Variants in MYOF observed in about 807,000 individuals in gnomAD.
MYOF encodes the protein fer-1-like 3, myoferlin.
In MYOF, 244 loss-of-function variants were observed where a neutral mutation model predicts 284.2. That is an observed-to-expected ratio of 0.86 (90% confidence interval 0.77 to 0.95). The LOEUF (loss-of-function observed/expected upper bound fraction) is 0.95. MYOF is among the 40% of genes least tolerant of loss of function. The probability of loss-of-function intolerance (pLI) is 0.00; values close to 1 mark genes in which losing one functional copy is unlikely to be tolerated. For missense variants in MYOF, 2,496 were observed against 2,560.6 expected (o/e 0.97, Z 0.54); for synonymous variants, 904 against 919.7 (o/e 0.98, Z 0.31).
rs188069765 is a variant in MYOF at position 93,307,686 on chromosome 10, G to A, written c.6148-685C>T. Among the ~76,000 whole-genome samples, 431 of 150,100 alleles carry A rather than the reference G, an allele frequency of 2.9e-3. 3 individuals carry two copies. Among genetic ancestry groups the A allele is most frequent in the African/African-American group, 0.01 (409 of 40,788 alleles). ...GTCACCCAGGGTGGAGTGCAGTGGC[G>A]TGATCTCCAGTCACTGCAACCTTTG... is the stretch of plus-strand genomic sequence containing the variant. On this transcript the variant is annotated intron_variant, in intron 53 of 53. Coordinates refer to ENST00000359263, the MANE Select transcript of MYOF (RefSeq NM_013451.4).
At chr10:93,408,380 A>G (rs1847721720) in intron 7 of MYOF, among the ~76,000 whole-genome samples, 3 of 152,050 alleles carry the variant, frequency 2.0e-5, no homozygotes, top group Admixed American at 2.0e-4. Flanking sequence ...TCTACTGAAA[A>G]TATAAAATTA....
intron 43 of MYOF, among the ~76,000 whole-genome samples, chr10:93,330,235 G>A (rs566017690): frequency 4.0e-5 from 6 of 151,870 alleles, no homozygotes; most frequent in Middle Eastern, 3.4e-3. Context: ...TGAGTGCATC[G>A]CTCCAATGCC....
intron 5 of MYOF, 191 bp downstream of exon 5, chr10:93,425,880 C>G: frequency 1.6e-6 from 1 of 608,888 alleles, no homozygotes; most frequent in East Asian, 2.8e-5. Flanking sequence ...TCCCCTCTAC[C>G]TTGAAGGGCA....
Position 93,379,862 on chromosome 10 carries a change from C to T in MYOF, c.2001+1G>A. ...GGAAATGCAGAAAAAGAGAAACTTACCAGCCGTTCTGCCATAGCTAGGAGA... is the reference window on the plus strand; with the variant it reads ...GGAAATGCAGAAAAAGAGAAACTTATCAGCCGTTCTGCCATAGCTAGGAGA... On this transcript the variant is annotated splice_donor_variant, in intron 21 of 53. Coordinates refer to ENST00000359263, the MANE Select transcript of MYOF (RefSeq NM_013451.4). LOFTEE classifies it high-confidence loss of function. 1 of 1,613,440 alleles carries T rather than the reference C, an allele frequency of 6.2e-7. No individual in the cohort carries two copies. Among genetic ancestry groups the T allele is most frequent in the Non-Finnish European group, 8.5e-7 (1 of 1,179,494 alleles).
chr10:93,328,622 G>T, intron 45 of MYOF, 141 bp downstream of exon 45: 1 of 773,524 alleles, frequency 1.3e-6, no homozygotes, highest in Non-Finnish European at 2.0e-6. Context: ...GAACTCTGAC[G>T]TGGCTGTTGT....
chr10:93,454,866 C>A (rs555695063), intron 2 of MYOF, among the ~76,000 whole-genome samples: 1 of 151,828 alleles, frequency 6.6e-6, no homozygotes, highest in East Asian at 1.9e-4. Context: ...GTAGTCCCAG[C>A]TATTCAGGAG....
chr10:93,474,217 A>G (rs1469216914), intron 1 of MYOF, among the ~76,000 whole-genome samples: 1 of 152,140 alleles, frequency 6.6e-6, no homozygotes, highest in Non-Finnish European at 1.5e-5. Flanking sequence ...TGACTCAACT[A>G]GTAAGCCTTC....
chr10:93,359,457 T>C (rs1203083188), intron 29 of MYOF, among the ~76,000 whole-genome samples: 1 of 152,238 alleles, frequency 6.6e-6, no homozygotes, highest in Non-Finnish European at 1.5e-5. Flanking sequence ...GGTTTGAATC[T>C]TTACACATCT....
intron 26 of MYOF, 116 bp from the exon 27 acceptor site, chr10:93,364,191 C>A: frequency 1.3e-6 from 1 of 762,326 alleles, no homozygotes; most frequent in Non-Finnish European, 2.2e-6. Flanking sequence ...TCCCTCCTCG[C>A]TTTACCCCTG....
At chr10:93,355,607 C>CA in intron 31 of MYOF, 21 bp downstream of exon 31, 1 of 1,322,398 alleles carries the variant, frequency 7.6e-7, no homozygotes, top group Non-Finnish European at 1.1e-6. Flanking sequence ...TAAAATAAAT[C>CA]AAAAATAAAA....
Position 93,482,196 on chromosome 10 carries a change from G to A in MYOF, c.-2C>T, listed in dbSNP as rs777655886. On this transcript the variant is annotated 5_prime_UTR_variant, in exon 1 of 54. Transcript: ENST00000359263. ...AGATTCCACAATCACTCGCAGCATG[G>A]TTCTTAGCTGGTAGAAAGCAAGTTT... 6.2e-7 allele frequency: 1 copy of A among 1,610,316 alleles called. No individual in the cohort carries two copies. The highest frequency in any genetic ancestry group is 1.7e-5 in the Admixed American group (1 of 59,082).
intron 2 of MYOF, among the ~76,000 whole-genome samples, chr10:93,454,472 C>A (rs1309251040): frequency 6.6e-6 from 1 of 152,170 alleles, no homozygotes; most frequent in Non-Finnish European, 1.5e-5. Context: ...GATTCAAAAT[C>A]TGAAGTAGGA....
At position 93,456,907 on chromosome 10, in the gene MYOF, T is replaced by C; in HGVS notation, c.119A>G (p.Asn40Ser). ...DEKKKTKKVDNELNPVWNEIL... is the reference protein window; with the variant it reads ...DEKKKTKKVDSELNPVWNEIL... ...CTCATTCCAGACAGGGTTCAATTCA[T>C]TATCAACTTTCTTTGTTTTCTTTTT... The change falls in exon 2 of 54, where the codon AAT becomes AGT. Residue 40 changes from asparagine (N) to serine (S), a missense_variant. Asn to Ser is a conservative substitution (Grantham distance 46). Around this residue, in one of 3 missense-constraint regions of MYOF, gnomAD observed 57 missense variants for 62.4 expected, o/e 0.91. Coordinates refer to ENST00000359263, the MANE Select transcript of MYOF (RefSeq NM_013451.4). 1 of 1,608,678 alleles carries C rather than the reference T, an allele frequency of 6.2e-7. No homozygotes were observed. Among genetic ancestry groups the C allele is most frequent in the Non-Finnish European group, 8.5e-7 (1 of 1,178,084 alleles).
rs1222195527 is a variant in MYOF at position 93,351,831 on chromosome 10, A to T, written c.3497T>A (p.Ile1166Asn). 6.3e-7 allele frequency: 1 copy of T among 1,585,156 alleles called. No individual in the cohort carries two copies. The highest frequency in any genetic ancestry group is 8.5e-7 in the Non-Finnish European group (1 of 1,173,450). Residue 1166 changes from isoleucine to asparagine, a missense_variant, in exon 33 of 54, where the codon ATC becomes AAC. Coordinates refer to ENST00000359263, the MANE Select transcript of MYOF (RefSeq NM_013451.4). ...GGTTTTGCTCCGATGGAGGAAACAG[A>T]TATGAGCATATGGATCTAAAACAGA... is the stretch of plus-strand genomic sequence containing the variant. ...KDSFSDPYAH[I>N]CFLHRSKTTE... is the part of the protein sequence containing the mutation.
intron 37 of MYOF, among the ~76,000 whole-genome samples, chr10:93,345,648 C>T (rs546974505): frequency 6.6e-6 from 1 of 152,290 alleles, no homozygotes; most frequent in East Asian, 1.9e-4. Context: ...CACAACTGAA[C>T]ATAAGTTCTT....
intron 3 of MYOF, among the ~76,000 whole-genome samples, chr10:93,443,952 A>G (rs2056353447): frequency 6.6e-6 from 1 of 152,168 alleles, no homozygotes; most frequent in Admixed American, 6.5e-5. Context: ...CCAGAATCCC[A>G]ACTTTCAAAT....
At chr10:93,370,110 T>G (rs1403047989) in intron 24 of MYOF, among the ~76,000 whole-genome samples, 2 of 152,018 alleles carry the variant, frequency 1.3e-5, no homozygotes, top group Admixed American at 1.3e-4. Context: ...AAAGCAACAG[T>G]GGAAAAAACT....
chr10:93,362,122 G>A (rs772998697), intron 27 of MYOF, among the ~76,000 whole-genome samples: 2 of 152,084 alleles, frequency 1.3e-5, no homozygotes, highest in African/African-American at 2.4e-5. Context: ...GCTAATTTTT[G>A]TATTTTTAGT....
At chr10:93,455,033 T>C (rs866901345) in intron 2 of MYOF, among the ~76,000 whole-genome samples, 1 of 143,648 alleles carries the variant, frequency 7.0e-6, no homozygotes, top group Non-Finnish European at 1.5e-5. Flanking sequence ...TGGTGACTTA[T>C]GCGTGTAATC....
Sources: gnomAD v4.1 joint callset for allele counts (sites outside exome capture counted in the v4.1 genomes callset) on GRCh38, gnomAD v4.1.1 for gene constraint, gnomAD v4.1.1 regional missense constraint, MANE v1.5 for transcripts, NCBI Gene and HGNC (gene_info 2026-07-23, HGNC 2026-07-21) for gene names.